The following CNTN3 variants were observed in gnomAD, a reference collection of about 807,000 sequenced individuals.
CNTN3 encodes contactin-3.
CNTN3 carries 60 observed loss-of-function variants against 119.1 expected under a neutral mutation model. The observed-to-expected ratio is 0.50, with a 90% CI of 0.41 to 0.62. The LOEUF (loss-of-function observed/expected upper bound fraction) is 0.62, where lower values mean the gene tolerates loss of function less well. Among genes scored for constraint, CNTN3 ranks in the 20% least tolerant of loss-of-function variants. The pLI is 0.00. For synonymous variants in CNTN3, 450 were observed against 438.7 expected, an observed-to-expected ratio of 1.03 and a Z score of -0.32; for missense variants, 1,101 against 1,242.4, an observed-to-expected ratio of 0.89 and a Z score of 1.71.
intron 5 of CNTN3, among the ~76,000 whole-genome samples, chr3:74,382,308 C>T (rs1559573931): frequency 6.6e-6 from 1 of 152,092 alleles, no homozygotes; most frequent in Non-Finnish European, 1.5e-5. Context: ...GTATACAATG[C>T]AAAATGCTTA....
At chr3:74,423,784 C>T (rs921059489) in intron 5 of CNTN3, among the ~76,000 whole-genome samples, 18 of 152,116 alleles carry the variant, frequency 1.2e-4, no homozygotes, top group African/African-American at 4.3e-4. Context: ...CACATGATGG[C>T]AATCCTATTT....
In CNTN3 at chr3:74,379,430, C is replaced by T. The variant is rs375550957; in HGVS notation, c.455-8031G>A. ...CTCATTGTCTTCATTTTTAATGCTT[C>T]TTCCAGGGAAGCGTCTTTCCTAACA... On this transcript the variant is annotated intron_variant, in intron 5 of 22. Transcript: ENST00000263665. Among the ~76,000 whole-genome samples, 13 of 152,238 alleles carry T rather than the reference C, an allele frequency of 8.5e-5. No individual in the cohort carries two copies. The East Asian group carries it at 1.4e-3, about 16-fold the overall frequency.
At chr3:74,291,981 A>G (rs542741350) in intron 19 of CNTN3, among the ~76,000 whole-genome samples, 2 of 152,108 alleles carry the variant, frequency 1.3e-5, no homozygotes, top group South Asian at 4.1e-4. Flanking sequence ...ATGTCTGCCA[A>G]TGTCATTGGA....
rs187948961 is a variant in CNTN3, at chr3:74,542,121, C to A, written c.-80-20929G>T. Among the ~76,000 whole-genome samples, 247 of 152,182 alleles carry A rather than the reference C, an allele frequency of 1.6e-3. 4 individuals are homozygous for A. The highest frequency in any genetic ancestry group is 9.0e-3 in the Admixed American group (138 of 15,278). ...TGGTGGTGCCCACCTACAGTCCCAG[C>A]TATTTGGGAGGCTGAAGCAGGAGGA... On this transcript the variant is annotated intron_variant, in intron 1 of 22. Transcript: ENST00000263665.
chr3:74,444,519 C>T (rs1024225249), intron 4 of CNTN3, among the ~76,000 whole-genome samples: 1 of 151,812 alleles, frequency 6.6e-6, no homozygotes, highest in Non-Finnish European at 1.5e-5. Context: ...TGACAATAGA[C>T]CTTCCTTGTT....
In CNTN3 at chr3:74,348,237, T is replaced by C. The variant is rs532013016; in HGVS notation, c.1365-11579A>G. 7.3e-5 allele frequency among the ~76,000 whole-genome samples: 11 copies of C among 151,500 alleles called. No individual in the cohort carries two copies. In the South Asian group the frequency reaches 2.1e-3, roughly 29 times the overall value. ...ACTATGTGCGGTGATAGATATGATA[T>C]GATAATTAGCTTGATTGTGGTATTG... On this transcript the variant is annotated intron_variant, in intron 11 of 22. Transcript: ENST00000263665.
At chr3:74,337,645 A>T (rs989406274) in intron 11 of CNTN3, among the ~76,000 whole-genome samples, 1 of 152,120 alleles carries the variant, frequency 6.6e-6, no homozygotes, top group Non-Finnish European at 1.5e-5. Context: ...CCACAAGAAC[A>T]GTATGGGGAA....
intron 4 of CNTN3, among the ~76,000 whole-genome samples, chr3:74,434,812 G>A (rs961718393): frequency 3.9e-5 from 6 of 152,214 alleles, no homozygotes; most frequent in African/African-American, 1.4e-4. Context: ...CATTCTTTCA[G>A]GAAACTCACC....
Position 74,359,352 on chromosome 3 carries a change from C to G in CNTN3, c.1364+2538G>C, listed in dbSNP as rs532146056. Among the ~76,000 whole-genome samples, 3 of 152,086 alleles carry G rather than the reference C, an allele frequency of 2.0e-5. No homozygotes were observed. In the South Asian group the frequency reaches 6.2e-4, roughly 32 times the overall value. ...ATCAGGCTAAATCCTGATTTTGCAG[C>G]GACTATGTAAGGAAGGATATATTAT... On this transcript the variant is annotated intron_variant, in intron 11 of 22. Transcript: ENST00000263665.
intron 11 of CNTN3, among the ~76,000 whole-genome samples, chr3:74,346,331 G>C (rs1703686325): frequency 6.6e-6 from 1 of 151,934 alleles, no homozygotes; most frequent in African/African-American, 2.4e-5. Context: ...TAAAAGGTTA[G>C]AAAATAATCT....
intron 1 of CNTN3, among the ~76,000 whole-genome samples, chr3:74,523,143 T>A (rs2107125061): frequency 6.6e-6 from 1 of 151,904 alleles, no homozygotes; most frequent in African/African-American, 2.4e-5. Context: ...CCACAATTAT[T>A]TTCAATTACT....
intron 5 of CNTN3, among the ~76,000 whole-genome samples, chr3:74,401,006 T>C (rs1032497424): frequency 3.9e-5 from 6 of 152,188 alleles, no homozygotes; most frequent in Non-Finnish European, 8.8e-5. Flanking sequence ...AGATTCATAA[T>C]TTTTACTGCT....
rs192334315 is a variant in CNTN3 at position 74,526,770 on chromosome 3, C to T, written c.-80-5578G>A. ...GGGTGAATGCCGGCTGGAAGTCATCCCATGCTCCCATGAACACCTACAGCA... is the reference window on the plus strand; with the variant it reads ...GGGTGAATGCCGGCTGGAAGTCATCTCATGCTCCCATGAACACCTACAGCA... On this transcript the variant is annotated intron_variant, in intron 1 of 22. Transcript: ENST00000263665. Among the ~76,000 whole-genome samples, 576 of 151,954 alleles carry T rather than the reference C, an allele frequency of 3.8e-3. 5 individuals are homozygous for T. The highest frequency in any genetic ancestry group is 0.013 in the African/African-American group (557 of 41,520).
chr3:74,379,201 G>A (rs1704552190), intron 5 of CNTN3, among the ~76,000 whole-genome samples: 1 of 152,092 alleles, frequency 6.6e-6, no homozygotes, highest in Non-Finnish European at 1.5e-5. Context: ...TGTTGCCCAG[G>A]CTGGAGTGCA....
intron 1 of CNTN3, among the ~76,000 whole-genome samples, chr3:74,583,020 C>T (rs999350571): frequency 2.6e-5 from 4 of 152,078 alleles, no homozygotes; most frequent in Non-Finnish European, 5.9e-5. Flanking sequence ...TGGAGACACA[C>T]CAGAGTTGGT....
At chr3:74,506,348 CA>C (rs1703258571) in intron 2 of CNTN3, among the ~76,000 whole-genome samples, 1 of 152,056 alleles carries the variant, frequency 6.6e-6, no homozygotes, top group African/African-American at 2.4e-5. Context: ...TGTTTAACTC[CA>C]ATGGCTATAT....
intron 13 of CNTN3, among the ~76,000 whole-genome samples, chr3:74,322,282 A>T (rs1423521939): frequency 3.3e-5 from 5 of 152,108 alleles, no homozygotes; most frequent in African/African-American, 9.7e-5. Flanking sequence ...AATATAGAAA[A>T]ATCTCTTAAA....
chr3:74,267,437 G>A (rs1192337399), intron 20 of CNTN3, 59 bp from the exon 21 acceptor site: 5 of 1,185,514 alleles, frequency 4.2e-6, no homozygotes, highest in East Asian at 2.3e-5. Flanking sequence ...TATTTTACAC[G>A]GAGGAGATGG....
chr3:74,410,514 A>C (rs1701420643), intron 5 of CNTN3, among the ~76,000 whole-genome samples: 1 of 152,192 alleles, frequency 6.6e-6, no homozygotes, highest in African/African-American at 2.4e-5. Context: ...AGGTCAAAGA[A>C]TCCTGGGGGA....
Sources: gnomAD v4.1 joint callset for allele counts (sites outside exome capture counted in the v4.1 genomes callset) on GRCh38, gnomAD v4.1.1 for gene constraint, MANE v1.5 for transcripts, NCBI Gene and HGNC (gene_info 2026-07-23, HGNC 2026-07-21) for gene names.